SLC16A4: variants seen among roughly 807,000 people sequenced by gnomAD.
SLC16A4 encodes the protein solute carrier family 16 member 4.
Under a neutral mutation model 47.9 loss-of-function variants are expected in SLC16A4, and 39 were observed. The observed-to-expected ratio is 0.81, with a 90% CI of 0.63 to 1.06. The LOEUF (loss-of-function observed/expected upper bound fraction) is 1.06. Among genes scored for constraint, SLC16A4 ranks in the 50% least tolerant of loss-of-function variants. The pLI is 0.00. For missense variants in SLC16A4, 524 were observed against 573.8 expected (o/e 0.91, Z 0.89); for synonymous variants, 189 against 199.9 (o/e 0.95, Z 0.46).
At chr1:110,369,129 ATTT>A (rs1299908607) in intron 8 of SLC16A4, among the ~76,000 whole-genome samples, 1 of 151,764 alleles carries the variant, frequency 6.6e-6, no homozygotes, top group African/African-American at 2.4e-5. Context: ...TAATTTTTGT[ATTT>A]TTAGTAGAGA....
At chr1:110,370,000 T>G (rs17025696) in intron 8 of SLC16A4, among the ~76,000 whole-genome samples, 8,335 of 152,234 alleles carry the variant, frequency 0.055, 789 homozygotes, top group African/African-American at 0.19. Context: ...GCTGTAATTT[T>G]TATTAAAAGG....
At chr1:110,365,743 A>G (rs1661342781) in intron 8 of SLC16A4, among the ~76,000 whole-genome samples, 1 of 152,176 alleles carries the variant, frequency 6.6e-6, no homozygotes, top group Non-Finnish European at 1.5e-5. Context: ...CAGCAAATGT[A>G]TTAGAGTGTA....
intron 8 of SLC16A4, among the ~76,000 whole-genome samples, chr1:110,365,968 T>A (rs1046955826): frequency 1.1e-4 from 16 of 151,986 alleles, no homozygotes. Context: ...TTTTTTAAAA[T>A]TTCTTGTAGA....
intron 8 of SLC16A4, chr1:110,372,564 C>G (rs1001113842): frequency 5.3e-5 from 8 of 152,144 alleles, no homozygotes; most frequent in African/African-American, 1.9e-4. Flanking sequence ...AATCTAATGG[C>G]CTTTGTAATG....
intron 8 of SLC16A4, among the ~76,000 whole-genome samples, chr1:110,368,334 CTA>C (rs1038522123): frequency 6.6e-6 from 1 of 152,180 alleles, no homozygotes; most frequent in Non-Finnish European, 1.5e-5. Context: ...AATGTTCACT[CTA>C]TGCCTGGTAT....
intron 5 of SLC16A4, chr1:110,379,657 C>A: frequency 3.0e-5 from 8 of 263,736 alleles, no homozygotes; most frequent in South Asian, 2.3e-4. Context: ...GTTTCAAATG[C>A]TAAAAAATTA....
Position 110,366,430 on chromosome 1 carries a change from G to A in SLC16A4, c.1337-2537C>T, listed in dbSNP as rs377491932. 1.5e-3 allele frequency among the ~76,000 whole-genome samples: 227 copies of A among 152,192 alleles called. 7 individuals carry two copies. In the South Asian group the frequency reaches 0.042, roughly 28 times the overall value. Reference sequence around the variant, plus strand: ...CTGCCTCAGCCTTCTAAAGTGCTTGGATTTCACTCACTCTTAGAATGCTGT... The same window carrying A: ...CTGCCTCAGCCTTCTAAAGTGCTTGAATTTCACTCACTCTTAGAATGCTGT... On this transcript the variant is annotated intron_variant, in intron 8 of 8. Transcript: ENST00000369779.
At chr1:110,377,280 ATGATT>A in intron 6 of SLC16A4, 119 bp from the exon 7 acceptor site, 2 of 771,866 alleles carry the variant, frequency 2.6e-6, no homozygotes, top group South Asian at 3.6e-5. Flanking sequence ...GAGGAAAAAA[ATGATT>A]TGATTTGTGT....
At chr1:110,368,548 A>C (rs1354152790) in intron 8 of SLC16A4, among the ~76,000 whole-genome samples, 1 of 152,244 alleles carries the variant, frequency 6.6e-6, no homozygotes. Context: ...TCTTACGCAC[A>C]GTAAAATTAT....
Position 110,382,328 on chromosome 1 carries a change from G to A in SLC16A4, c.220+506C>T, listed in dbSNP as rs940918723. Among the ~76,000 whole-genome samples the A allele has an allele frequency of 1.1e-4, 17 of 152,030 alleles. 1 individual carries two copies. The highest frequency in any genetic ancestry group is 8.3e-4 in the South Asian group (4 of 4,814). On this transcript the variant is annotated intron_variant, in intron 3 of 8. Transcript: ENST00000369779. ...ACAAAAATTAGCCAGGCATGGTGGC[G>A]GGCGCCTGTAATCCCAGCTAGTTGG...
chr1:110,365,084 A>G (rs1661307624), intron 8 of SLC16A4, among the ~76,000 whole-genome samples: 1 of 152,048 alleles, frequency 6.6e-6, no homozygotes, highest in Non-Finnish European at 1.5e-5. Context: ...CACTTTGAGA[A>G]GTTCTTTTCC....
chr1:110,383,764 A>G (rs1449288907), intron 2 of SLC16A4, among the ~76,000 whole-genome samples: 1 of 124,330 alleles, frequency 8.0e-6, no homozygotes, highest in East Asian at 2.7e-4. Flanking sequence ...GGCAGGAAGG[A>G]AGTGTTTTTT....
At chr1:110,376,912 T>C (rs1244265509) in intron 7 of SLC16A4, 38 bp downstream of exon 7, 2 of 1,523,026 alleles carry the variant, frequency 1.3e-6, no homozygotes, top group South Asian at 2.3e-5. Context: ...TTGCTTTTAC[T>C]AAATGGTTTA....
intron 2 of SLC16A4, among the ~76,000 whole-genome samples, chr1:110,387,965 T>C (rs1194053291): frequency 6.6e-6 from 1 of 152,172 alleles, no homozygotes; most frequent in African/African-American, 2.4e-5. Context: ...GGCCTGATGT[T>C]TTCCCACCAT....
At chr1:110,388,119 T>G (rs899072424) in intron 2 of SLC16A4, among the ~76,000 whole-genome samples, 5 of 152,144 alleles carry the variant, frequency 3.3e-5, no homozygotes, top group African/African-American at 1.2e-4. Context: ...TGTTTTTTTT[T>G]GAGTGCATCT....
intron 8 of SLC16A4, among the ~76,000 whole-genome samples, chr1:110,373,212 T>C (rs547027633): frequency 1.3e-5 from 2 of 152,372 alleles, no homozygotes; most frequent in African/African-American, 2.4e-5. Flanking sequence ...AAACATGTTA[T>C]AGTTTTGTTG....
At chr1:110,372,101 C>T (rs984500897) in intron 8 of SLC16A4, 1 of 151,934 alleles carries the variant, frequency 6.6e-6, no homozygotes, top group Non-Finnish European at 1.5e-5. Flanking sequence ...AAATATGTTG[C>T]ATAGAACTAA....
intron 8 of SLC16A4, among the ~76,000 whole-genome samples, chr1:110,367,397 C>T (rs1282478666): frequency 6.6e-6 from 1 of 152,202 alleles, no homozygotes; most frequent in African/African-American, 2.4e-5. Flanking sequence ...AATCTTAGCA[C>T]TTTGGGAGGC....
chr1:110,375,395 C>G (rs767478790), intron 8 of SLC16A4, 63 bp downstream of exon 8: 2 of 913,276 alleles, frequency 2.2e-6, no homozygotes, highest in African/African-American at 1.6e-5. Context: ...TACCATTAAT[C>G]CTGGATCAGT....
Sources: gnomAD v4.1 joint callset for allele counts (sites outside exome capture counted in the v4.1 genomes callset) on GRCh38, gnomAD v4.1.1 for gene constraint, MANE v1.5 for transcripts, NCBI Gene and HGNC (gene_info 2026-07-23, HGNC 2026-07-21) for gene names.